The following COA7 variants were observed in gnomAD, a reference collection of about 807,000 sequenced individuals.
The protein encoded by COA7 is cytochrome c oxidase assembly factor 7.
In COA7, 12 loss-of-function variants were observed where a neutral mutation model predicts 21.0. The ratio of observed to expected loss-of-function variants is 0.57; its 90% CI spans 0.37 to 0.92. The LOEUF (loss-of-function observed/expected upper bound fraction) is 0.92, where lower values mean the gene tolerates loss of function less well. Ranked by LOEUF, COA7 falls within the 40% of genes least tolerant of loss-of-function variation. The pLI is 0.01. For missense variants in COA7, 240 were observed against 286.1 expected, an observed-to-expected ratio of 0.84 and a Z score of 1.16; for synonymous variants, 95 against 107.4, an observed-to-expected ratio of 0.88 and a Z score of 0.72.
intron 1 of COA7, among the ~76,000 whole-genome samples, chr1:52,696,744 A>G (rs7543239): frequency 0.42 from 60,587 of 143,332 alleles, 13,371 homozygotes; most frequent in Non-Finnish European, 0.5. Flanking sequence ...TGATCCTCCC[A>G]CCTCACCTCA....
chr1:52,688,217 C>G lies in COA7; in HGVS notation c.248-49G>C, dbSNP rs1644020053. On this transcript the variant is annotated intron_variant, in intron 2 of 2. Coordinates refer to ENST00000371538, the MANE Select transcript of COA7 (RefSeq NM_023077.3). The stretch of plus-strand genomic sequence containing the variant: ...AAATAAACCCAAGCCAGGGCACAAC[C>G]TAAATGTCTCAGGCCAAAGTCAGTG... The G allele has an allele frequency of 2.7e-6, 4 of 1,474,714 alleles. No individual in the cohort carries two copies. In the African/African-American group the frequency reaches 5.6e-5, roughly 21 times the overall value. 91.4% of individuals were successfully genotyped at this position (1,474,714 alleles called of 1,614,324 possible). A position where few individuals can be genotyped will look rare whatever the true frequency, so the allele number is the denominator to read the frequency against.
At chr1:52,693,703 AAG>A (rs1644064145) in intron 1 of COA7, among the ~76,000 whole-genome samples, 3 of 152,098 alleles carry the variant, frequency 2.0e-5, no homozygotes, top group Admixed American at 1.3e-4. Context: ...GCCAAAGAGA[AAG>A]AGTAGAGGCG....
intron 2 of COA7, among the ~76,000 whole-genome samples, chr1:52,689,756 T>C (rs987322434): frequency 1.3e-5 from 2 of 151,826 alleles, no homozygotes; most frequent in African/African-American, 4.8e-5. Context: ...CTGGGCGCGG[T>C]GGCTTACGCC....
intron 2 of COA7, among the ~76,000 whole-genome samples, chr1:52,691,656 A>T (rs1350542759): frequency 6.6e-6 from 1 of 151,586 alleles, no homozygotes; most frequent in Non-Finnish European, 1.5e-5. Flanking sequence ...TTGTATTTTT[A>T]GTAGAGATGG....
rs1644039648 is a variant in COA7 at position 52,690,775 on chromosome 1, C to T, written c.247+1952G>A. Among the ~76,000 whole-genome samples, 5 of 151,960 alleles carry T rather than the reference C, an allele frequency of 3.3e-5. No individual in the cohort carries two copies. The South Asian group carries it at 1.0e-3, about 32-fold the overall frequency. On this transcript the variant is annotated intron_variant, in intron 2 of 2. Transcript: ENST00000371538. The stretch of plus-strand genomic sequence containing the variant: ...CTCACTGCAGCCTCCACCTCCCGGG[C>T]TCAAGTGAGCCACTGCACCTGGCCT...
intron 1 of COA7, among the ~76,000 whole-genome samples, chr1:52,694,278 G>A (rs1470654675): frequency 2.0e-5 from 3 of 152,206 alleles, no homozygotes; most frequent in African/African-American, 7.2e-5. Context: ...GACCAACATT[G>A]AGAAACCTCG....
rs1644014261 is a variant in COA7 at position 52,687,525 on chromosome 1, G to T, written c.*195C>A. 1.6e-6 allele frequency: 1 copy of T among 609,524 alleles called. No individual in the cohort carries two copies. The highest frequency in any genetic ancestry group is 2.9e-5 in the Admixed American group (1 of 33,912). 37.8% of individuals were successfully genotyped at this position (609,524 alleles called of 1,614,324 possible). ...ACATTGTACAGAACACCCAGATAAA[G>T]GAATATTGACTGAAATAAACATTGT... On this transcript the variant is annotated 3_prime_UTR_variant, in exon 3 of 3. Coordinates refer to ENST00000371538, the MANE Select transcript of COA7 (RefSeq NM_023077.3).
At chr1:52,694,120 G>A (rs1215433647) in intron 1 of COA7, among the ~76,000 whole-genome samples, 1 of 152,156 alleles carries the variant, frequency 6.6e-6, no homozygotes, top group Admixed American at 6.6e-5. Flanking sequence ...GGGAAGGGTG[G>A]GAGGATGGTG....
At position 52,684,955 on chromosome 1, in the gene COA7, A is replaced by C. The variant is rs1250619889; in HGVS notation, c.*2765T>G. 1.3e-5 allele frequency: 2 copies of C among 152,166 alleles called. No homozygotes were observed. Among genetic ancestry groups the C allele is most frequent in the Non-Finnish European group, 2.9e-5 (2 of 68,048 alleles). The allele number at this position is 152,166 out of a possible 1,614,324, so 9.4% of individuals were successfully genotyped here. ...ACTTCTTATAGCTTGATAACTCATA[A>C]TTTGTCATAGCTTGATTTAAGCACT... On this transcript the variant is annotated 3_prime_UTR_variant, in exon 3 of 3. Coordinates refer to ENST00000371538, the MANE Select transcript of COA7 (RefSeq NM_023077.3).
chr1:52,692,679 C>A, intron 2 of COA7, 48 bp downstream of exon 2: 1 of 1,609,450 alleles, frequency 6.2e-7, no homozygotes, highest in Non-Finnish European at 8.5e-7. Flanking sequence ...AGGTGTGAGG[C>A]CAGCACTGCT....
intron 2 of COA7, among the ~76,000 whole-genome samples, chr1:52,690,737 G>A (rs1644039344): frequency 6.6e-6 from 1 of 151,966 alleles, no homozygotes; most frequent in East Asian, 1.9e-4. Flanking sequence ...GGAGTGCAGT[G>A]AAGCAATCTC....
At chr1:52,690,334 A>G (rs1325900441) in intron 2 of COA7, among the ~76,000 whole-genome samples, 1 of 151,932 alleles carries the variant, frequency 6.6e-6, no homozygotes, top group Non-Finnish European at 1.5e-5. Context: ...TTCCAAATCC[A>G]CCTAGAAATA....
At chr1:52,693,374 T>C (rs1442354560) in intron 1 of COA7, among the ~76,000 whole-genome samples, 2 of 151,538 alleles carry the variant, frequency 1.3e-5, no homozygotes, top group Admixed American at 6.6e-5. Context: ...GGTCTGGAGT[T>C]CGAGACCAGC....
At chr1:52,697,973 T>C (rs1257357552) in intron 1 of COA7, 1 of 489,102 alleles carries the variant, frequency 2.0e-6, no homozygotes, top group Admixed American at 3.7e-5. Context: ...GAGTTTCATC[T>C]GTTCACCGAT....
intron 1 of COA7, among the ~76,000 whole-genome samples, chr1:52,697,634 GC>G (rs1644093471): frequency 6.6e-6 from 1 of 152,018 alleles, no homozygotes; most frequent in Non-Finnish European, 1.5e-5. Flanking sequence ...GTGCAGTGGC[GC>G]GATCTCTGCT....
At chr1:52,690,748 G>A (rs180834867) in intron 2 of COA7, among the ~76,000 whole-genome samples, 56 of 151,746 alleles carry the variant, frequency 3.7e-4, no homozygotes, top group African/African-American at 1.3e-3. Flanking sequence ...AAGCAATCTC[G>A]GCTCACTGCA....
At chr1:52,691,637 A>C (rs1644047771) in intron 2 of COA7, among the ~76,000 whole-genome samples, 1 of 151,550 alleles carries the variant, frequency 6.6e-6, no homozygotes, top group Admixed American at 6.6e-5. Flanking sequence ...ACGCCCAGCT[A>C]ATTTTTTTTT....
At chr1:52,697,596 G>A (rs764787699) in intron 1 of COA7, among the ~76,000 whole-genome samples, 5 of 151,890 alleles carry the variant, frequency 3.3e-5, no homozygotes, top group Admixed American at 6.6e-5. Flanking sequence ...TTTTTGAGAC[G>A]GAGTCTCGCT....
At chr1:52,693,495 A>G (rs1644062297) in intron 1 of COA7, among the ~76,000 whole-genome samples, 1 of 151,806 alleles carries the variant, frequency 6.6e-6, no homozygotes, top group Non-Finnish European at 1.5e-5. Flanking sequence ...AATCCCAGCT[A>G]CCTGGGAGGC....
Sources: gnomAD v4.1 joint callset for allele counts (sites outside exome capture counted in the v4.1 genomes callset) on GRCh38, gnomAD v4.1.1 for gene constraint, MANE v1.5 for transcripts, NCBI Gene and HGNC (gene_info 2026-07-23, HGNC 2026-07-21) for gene names.